ITFG1: variants seen among roughly 807,000 people sequenced by gnomAD.
ITFG1 encodes the protein T-cell immunomodulatory protein.
In ITFG1, 34 loss-of-function variants were observed where a neutral mutation model predicts 81.8. The ratio of observed to expected loss-of-function variants is 0.42; its 90% CI spans 0.32 to 0.55. The LOEUF (loss-of-function observed/expected upper bound fraction) is 0.55, where lower values mean the gene tolerates loss of function less well. ITFG1 is among the 20% of genes least tolerant of loss of function. The pLI, the probability that ITFG1 is intolerant of heterozygous loss-of-function variation, is 0.17. For synonymous variants in ITFG1, 285 were observed against 270.6 expected (o/e 1.05, Z -0.52); for missense variants, 672 against 755.4 (o/e 0.89, Z 1.29).
chr16:47,250,865 C>T (rs890343442), intron 12 of ITFG1, among the ~76,000 whole-genome samples: 5 of 152,082 alleles, frequency 3.3e-5, no homozygotes, highest in Non-Finnish European at 5.9e-5. Flanking sequence ...CTCAGAGCTG[C>T]GGCAGCTGAG....
chr16:47,262,136 G>A (rs910243597), intron 10 of ITFG1, among the ~76,000 whole-genome samples: 2 of 152,108 alleles, frequency 1.3e-5, no homozygotes, highest in Admixed American at 6.5e-5. Flanking sequence ...ATGATGTCTG[G>A]TAAATATATG....
intron 8 of ITFG1, among the ~76,000 whole-genome samples, chr16:47,323,834 T>C (rs1163204360): frequency 6.6e-6 from 1 of 152,164 alleles, no homozygotes. Context: ...CTAAACATTC[T>C]ACATGGCAAC....
At chr16:47,396,699 G>C (rs1456336352) in intron 6 of ITFG1, among the ~76,000 whole-genome samples, 1 of 152,150 alleles carries the variant, frequency 6.6e-6, no homozygotes, top group African/African-American at 2.4e-5. Flanking sequence ...TGAGGGATGA[G>C]TGGATATAAA....
At chr16:47,442,194 T>C (rs1277298635) in intron 5 of ITFG1, among the ~76,000 whole-genome samples, 1 of 152,126 alleles carries the variant, frequency 6.6e-6, no homozygotes, top group Non-Finnish European at 1.5e-5. Flanking sequence ...TATAAACAAA[T>C]GGAAGAACAT....
chr16:47,261,820 G>C (rs1019263480), intron 10 of ITFG1, among the ~76,000 whole-genome samples: 1 of 152,160 alleles, frequency 6.6e-6, no homozygotes, highest in African/African-American at 2.4e-5. Flanking sequence ...CTACAGGTGT[G>C]TGCCATCATG....
intron 6 of ITFG1, among the ~76,000 whole-genome samples, chr16:47,402,208 G>C (rs1402207155): frequency 1.3e-5 from 2 of 152,038 alleles, no homozygotes; most frequent in African/African-American, 4.8e-5. Flanking sequence ...TTATCCTTTA[G>C]AAGGTCATGA....
intron 14 of ITFG1, among the ~76,000 whole-genome samples, chr16:47,180,984 TC>T (rs1259264039): frequency 2.8e-5 from 4 of 144,382 alleles, no homozygotes; most frequent in Non-Finnish European, 6.0e-5. Flanking sequence ...GAGAAGCCCC[TC>T]TGCCTGGCTG....
At chr16:47,252,103 T>G (rs1287871712) in intron 12 of ITFG1, among the ~76,000 whole-genome samples, 1 of 152,088 alleles carries the variant, frequency 6.6e-6, no homozygotes, top group Non-Finnish European at 1.5e-5. Flanking sequence ...TTTCTGAAAA[T>G]AACTTGAGAA....
At chr16:47,159,305 A>T (rs1245746642) in intron 16 of ITFG1, among the ~76,000 whole-genome samples, 1 of 152,112 alleles carries the variant, frequency 6.6e-6, no homozygotes, top group Non-Finnish European at 1.5e-5. Context: ...ATCCAAGGGT[A>T]CTTTGGATAA....
chr16:47,179,405 T>C (rs1249839706), intron 14 of ITFG1, among the ~76,000 whole-genome samples: 1 of 152,142 alleles, frequency 6.6e-6, no homozygotes. Flanking sequence ...CACACCAACA[T>C]GGCACATGTA....
intron 6 of ITFG1, among the ~76,000 whole-genome samples, chr16:47,387,206 A>G (rs1968473425): frequency 6.6e-6 from 1 of 152,242 alleles, no homozygotes; most frequent in African/African-American, 2.4e-5. Flanking sequence ...ATGACAAGGT[A>G]CGTCTCCAAA....
chr16:47,220,991 C>A (rs1167692193), intron 13 of ITFG1, among the ~76,000 whole-genome samples: 1 of 152,124 alleles, frequency 6.6e-6, no homozygotes, highest in East Asian at 1.9e-4. Context: ...ATTTCCATGT[C>A]ACTCTCCCCA....
intron 8 of ITFG1, among the ~76,000 whole-genome samples, chr16:47,351,794 C>A (rs1047305476): frequency 3.9e-5 from 6 of 152,138 alleles, no homozygotes; most frequent in African/African-American, 7.2e-5. Context: ...AGGCATCACG[C>A]TACCTGACTT....
At chr16:47,397,850 C>A (rs1245770122) in intron 6 of ITFG1, among the ~76,000 whole-genome samples, 1 of 152,292 alleles carries the variant, frequency 6.6e-6, no homozygotes, top group East Asian at 1.9e-4. Context: ...ACACTGCAGG[C>A]AGCCACGGGA....
intron 10 of ITFG1, among the ~76,000 whole-genome samples, chr16:47,263,660 T>C (rs556077919): frequency 6.6e-6 from 1 of 152,320 alleles, no homozygotes; most frequent in South Asian, 2.1e-4. Context: ...CAGTCCTTAA[T>C]GAGCTGCTGC....
intron 6 of ITFG1, among the ~76,000 whole-genome samples, chr16:47,397,595 A>G (rs921606137): frequency 2.6e-5 from 4 of 152,218 alleles, no homozygotes; most frequent in Admixed American, 1.3e-4. Context: ...ACAGGTATTC[A>G]GATAGTAGAA....
chr16:47,320,513 AT>A (rs1213261429), intron 8 of ITFG1, among the ~76,000 whole-genome samples: 2 of 152,210 alleles, frequency 1.3e-5, no homozygotes, highest in African/African-American at 4.8e-5. Flanking sequence ...TTACAGATGG[AT>A]ATCTGGTTAG....
In ITFG1 at chr16:47,265,993, A is replaced by G. The variant is rs536265025; in HGVS notation, c.1071-5298T>C. Reference sequence around the variant, plus strand: ...TGAAAAAGACTTGCATATGGAATATACAAGAAACTCTCACAATTTAATAAC... The same window carrying G: ...TGAAAAAGACTTGCATATGGAATATGCAAGAAACTCTCACAATTTAATAAC... On this transcript the variant is annotated intron_variant, in intron 10 of 17. Coordinates refer to ENST00000320640, the MANE Select transcript of ITFG1 (RefSeq NM_030790.5). Among the ~76,000 whole-genome samples, 5 of 152,366 alleles carry G rather than the reference A, an allele frequency of 3.3e-5. No homozygotes were observed. In the East Asian group the frequency reaches 7.7e-4, roughly 24 times the overall value.
intron 10 of ITFG1, 28 bp from the exon 11 acceptor site, chr16:47,260,723 TAA>T (rs776973721): frequency 2.5e-6 from 4 of 1,612,662 alleles, no homozygotes; most frequent in Non-Finnish European, 3.4e-6. Context: ...GGCATTTCGT[TAA>T]TATAAACATC....
Sources: allele counts gnomAD v4.1 joint callset (sites outside exome capture counted in the v4.1 genomes callset), GRCh38; gene constraint gnomAD v4.1.1; transcripts MANE v1.5; gene names NCBI Gene and HGNC (gene_info 2026-07-23, HGNC 2026-07-21).